CACNA2D2: variants seen among roughly 807,000 people sequenced by gnomAD.
The protein encoded by CACNA2D2 is calcium voltage-gated channel auxiliary subunit alpha2delta 2.
CACNA2D2 carries 48 observed loss-of-function variants against 166.4 expected under a neutral mutation model. The observed-to-expected ratio is 0.29, with a 90% CI of 0.23 to 0.37. CACNA2D2 has a LOEUF of 0.37. Ranked by LOEUF, CACNA2D2 falls within the 10% of genes least tolerant of loss-of-function variation. CACNA2D2 has a pLI of 1.00. For missense variants in CACNA2D2, 1,122 were observed against 1,433.0 expected, an observed-to-expected ratio of 0.78 and a Z score of 3.50; for synonymous variants, 561 against 573.7, an observed-to-expected ratio of 0.98 and a Z score of 0.32.
chr3:50,387,134 G>C (rs749036405), intron 5 of CACNA2D2, among the ~76,000 whole-genome samples: 49 of 152,172 alleles, frequency 3.2e-4, no homozygotes, highest in Non-Finnish European at 4.7e-4. Context: ...AGGGTCTGAT[G>C]ATGGGCCAGG....
At chr3:50,409,274 AGAC>A (rs893087733) in intron 3 of CACNA2D2, among the ~76,000 whole-genome samples, 1 of 152,260 alleles carries the variant, frequency 6.6e-6, no homozygotes, top group Non-Finnish European at 1.5e-5. Context: ...AGGTAGAGTC[AGAC>A]AACACCCTGG....
chr3:50,443,951 G>A (rs1708724538), intron 2 of CACNA2D2, among the ~76,000 whole-genome samples: 1 of 152,186 alleles, frequency 6.6e-6, no homozygotes, highest in South Asian at 2.1e-4. Context: ...GCTCTCATGT[G>A]AGATGAAACA....
At chr3:50,488,665 TG>T (rs1195314791) in intron 1 of CACNA2D2, among the ~76,000 whole-genome samples, 1 of 141,762 alleles carries the variant, frequency 7.1e-6, no homozygotes, top group Non-Finnish European at 1.5e-5. Context: ...TGCCCACAAG[TG>T]CAAAGCTTTC....
At chr3:50,373,036 G>C in intron 22 of CACNA2D2, 1 of 1,531,832 alleles carries the variant, frequency 6.5e-7, no homozygotes, top group Non-Finnish European at 8.7e-7. Context: ...GTGGGAAGAG[G>C]AGGGTGCACT....
rs935137801 is a variant in CACNA2D2, at chr3:50,427,738, C to T, written c.405+6575G>A. Among the ~76,000 whole-genome samples the T allele has an allele frequency of 6.6e-6, 1 of 152,230 alleles. No homozygotes were observed. The highest frequency in any genetic ancestry group is 6.5e-5 in the Admixed American group (1 of 15,292). On this transcript the variant is annotated intron_variant, in intron 3 of 37. Transcript: ENST00000424201. The surrounding 1 kb of genome is among the most constrained non-coding windows in gnomAD (Gnocchi z 4.7). The stretch of plus-strand genomic sequence containing the variant: ...GATCCCAGAGGCTGAGCCCCAGCCA[C>T]AACCCAGAGCCACAGCGCTGGCAAC...
At position 50,375,619 on chromosome 3, in the gene CACNA2D2, C is replaced by T. The variant is rs1289283271; in HGVS notation, c.1907+25G>A. The T allele has an allele frequency of 6.8e-6, 11 of 1,610,988 alleles. No individual in the cohort carries two copies. Among genetic ancestry groups the T allele is most frequent in the Non-Finnish European group, 9.3e-6 (11 of 1,179,052 alleles). The stretch of plus-strand genomic sequence containing the variant: ...TTCTGGGGCCACCCCACCCTCTCTG[C>T]CCGCCCAGCCCTGGCCTCACTTACC... On this transcript the variant is annotated intron_variant, in intron 21 of 37. Coordinates refer to ENST00000424201, the MANE Select transcript of CACNA2D2 (RefSeq NM_006030.4). The surrounding 1 kb of genome is among the most constrained non-coding windows in gnomAD (Gnocchi z 4.0).
In CACNA2D2 at chr3:50,384,177, G is replaced by A. The variant is rs749044638; in HGVS notation, c.652+19C>T. The A allele has an allele frequency of 9.9e-6, 16 of 1,612,594 alleles. No homozygotes were observed. Among genetic ancestry groups the A allele is most frequent in the African/African-American group, 4.0e-5 (3 of 74,906 alleles). ...CACAGCAGGTGGGATGGGCTGTCCC[G>A]ATTGCTCTGCACACTCACAGCCTTT... is the stretch of plus-strand genomic sequence containing the variant. On this transcript the variant is annotated intron_variant, in intron 6 of 37. Coordinates refer to ENST00000424201, the MANE Select transcript of CACNA2D2 (RefSeq NM_006030.4).
In CACNA2D2 at chr3:50,363,214, G is replaced by A. The variant is rs1176628595; in HGVS notation, c.*1452C>T. The stretch of plus-strand genomic sequence containing the variant: ...GAAGGACACAGCTGGCATCCAGGCC[G>A]GGTGCACATGGACACCCACCCTGGC... On this transcript the variant is annotated 3_prime_UTR_variant, in exon 38 of 38. Transcript: ENST00000424201. 6 of 398,752 alleles carry A rather than the reference G, an allele frequency of 1.5e-5. No homozygotes were observed. The highest frequency in any genetic ancestry group is 1.1e-4 in the East Asian group (3 of 28,098). The allele number at this position is 398,752 out of a possible 1,614,324, so 24.7% of individuals were successfully genotyped here.
Position 50,363,466 on chromosome 3 carries a change from CTG to C in CACNA2D2, c.*1198_*1199del, listed in dbSNP as rs10575478. On this transcript the variant is annotated 3_prime_UTR_variant, in exon 38 of 38. Transcript: ENST00000424201. ...GTGAAGAGCTGTGCCCAGTCCCCAC[CTG>C]TGTGTGTGTGTGTGTGTGTGTGTTC... is the stretch of plus-strand genomic sequence containing the variant. 77,937 of 320,556 alleles carry C rather than the reference CTG, an allele frequency of 0.24. 769 individuals are homozygous for C. Among genetic ancestry groups the C allele is most frequent in the Middle Eastern group, 0.29 (388 of 1,326 alleles). 19.9% of individuals were successfully genotyped at this position (320,556 alleles called of 1,614,324 possible). A position where few individuals can be genotyped will look rare whatever the true frequency, so the allele number is the denominator to read the frequency against.
intron 1 of CACNA2D2, among the ~76,000 whole-genome samples, chr3:50,482,232 A>G (rs1698083378): frequency 6.6e-6 from 1 of 152,112 alleles, no homozygotes; most frequent in South Asian, 2.1e-4. Context: ...TCCCTCCCCT[A>G]GGCCCTCGCC....
At chr3:50,497,000 C>T (rs1698751430) in intron 1 of CACNA2D2, among the ~76,000 whole-genome samples, 1 of 152,192 alleles carries the variant, frequency 6.6e-6, no homozygotes, top group African/African-American at 2.4e-5. Flanking sequence ...AAGATGGATA[C>T]TGATCAGCAG....
At chr3:50,393,401 G>A (rs560616712) in intron 4 of CACNA2D2, among the ~76,000 whole-genome samples, 1 of 152,240 alleles carries the variant, frequency 6.6e-6, no homozygotes, top group Non-Finnish European at 1.5e-5. Flanking sequence ...TTGAATCCAG[G>A]AGGAGCCCTG....
chr3:50,423,513 C>T (rs1050217162), intron 3 of CACNA2D2, among the ~76,000 whole-genome samples: 8 of 152,230 alleles, frequency 5.3e-5, no homozygotes, highest in African/African-American at 1.9e-4. Flanking sequence ...CTGCACTTGG[C>T]AGTCCTGTGG....
chr3:50,385,801 C>T (rs756213597), intron 5 of CACNA2D2, among the ~76,000 whole-genome samples: 21 of 152,314 alleles, frequency 1.4e-4, no homozygotes, highest in Admixed American at 9.8e-4. Flanking sequence ...GCGCCACTCA[C>T]GTTCCGCTCA....
chr3:50,408,332 A>G (rs1208058349), intron 3 of CACNA2D2, among the ~76,000 whole-genome samples: 2 of 152,256 alleles, frequency 1.3e-5, no homozygotes, highest in African/African-American at 4.8e-5. Context: ...TCTTCCAGCT[A>G]GGCTGTCACT....
chr3:50,411,838 G>A (rs1246114915), intron 3 of CACNA2D2, among the ~76,000 whole-genome samples: 4 of 152,192 alleles, frequency 2.6e-5, no homozygotes, highest in Non-Finnish European at 4.4e-5. Flanking sequence ...GGGAAAGAAC[G>A]AATGGGGCTC....
chr3:50,395,919 C>A (rs1706127099), intron 3 of CACNA2D2, among the ~76,000 whole-genome samples: 1 of 152,014 alleles, frequency 6.6e-6, no homozygotes, highest in African/African-American at 2.4e-5. Flanking sequence ...GGGGTCAAAC[C>A]CTCTCACCCC....
At chr3:50,488,278 C>T (rs576411248) in intron 1 of CACNA2D2, among the ~76,000 whole-genome samples, 7 of 152,314 alleles carry the variant, frequency 4.6e-5, no homozygotes, top group Admixed American at 2.0e-4. Flanking sequence ...CATGGGAGCA[C>T]CTCCACACAC....
intron 4 of CACNA2D2, among the ~76,000 whole-genome samples, chr3:50,391,583 T>A (rs1040793841): frequency 1.3e-5 from 2 of 152,180 alleles, no homozygotes; most frequent in African/African-American, 4.8e-5. Flanking sequence ...GGAAGGGGGA[T>A]AGGAGCTTTA....
Sources: allele counts gnomAD v4.1 joint callset (sites outside exome capture counted in the v4.1 genomes callset), GRCh38; gene constraint gnomAD v4.1.1; non-coding constraint Gnocchi (gnomAD v3.1); transcripts MANE v1.5; gene names NCBI Gene and HGNC (gene_info 2026-07-23, HGNC 2026-07-21).